IL5: variants seen among roughly 807,000 people sequenced by gnomAD.
IL5 encodes the protein interleukin 5.
IL5 carries 12 observed loss-of-function variants against 16.3 expected under a neutral mutation model. The ratio of observed to expected loss-of-function variants is 0.74; its 90% CI spans 0.47 to 1.20. The LOEUF is 1.20. Ranked by LOEUF, IL5 falls within the 50% of genes most tolerant of loss-of-function variation. IL5 has a pLI of 0.00. For synonymous variants in IL5, 54 were observed against 56.6 expected, an observed-to-expected ratio of 0.95 and a Z score of 0.21; for missense variants, 159 against 153.9, an observed-to-expected ratio of 1.03 and a Z score of -0.17.
At chr5:132,545,990 C>T (rs75592681), upstream of IL5, among the ~76,000 whole-genome samples, 196 of 152,228 alleles carry the variant, frequency 1.3e-3, no homozygotes, top group African/African-American at 4.5e-3. Flanking sequence ...GGCTGAAATC[C>T]TGCTTATTAT....
rs1749701533 is a variant in IL5, at chr5:132,541,997, T to C, written c.306+18A>G. On this transcript the variant is annotated intron_variant, in intron 3 of 3. Transcript: ENST00000231454. ...ACAGCCAGACAAATATAGCTTCCAT[T>C]GAATGTGTGTAACTTACTTTTTGGC... 1.2e-6 allele frequency: 2 copies of C among 1,613,598 alleles called. No individual in the cohort carries two copies. Among genetic ancestry groups the C allele is most frequent in the Admixed American group, 1.7e-5 (1 of 59,958 alleles).
chr5:132,550,955 G>A (rs1292856489), intron 1 of IL5, among the ~76,000 whole-genome samples: 1 of 152,212 alleles, frequency 6.6e-6, no homozygotes, highest in East Asian at 1.9e-4. Flanking sequence ...TGTGGAAGGT[G>A]GGGGGTGATC....
chr5:132,551,854 T>G (rs1317698763), intron 1 of IL5, among the ~76,000 whole-genome samples: 1 of 152,232 alleles, frequency 6.6e-6, no homozygotes, highest in African/African-American at 2.4e-5. Flanking sequence ...AACTAGGCTA[T>G]GATAAAATTG....
upstream of IL5, among the ~76,000 whole-genome samples, chr5:132,547,942 G>A (rs557704272): frequency 6.6e-4 from 101 of 152,098 alleles, 1 homozygote; most frequent in South Asian, 1.5e-3. Flanking sequence ...GGTGGCTGGC[G>A]CCTGTAATCC....
At chr5:132,548,525 G>C (rs1318079047) in intron 1 of IL5, among the ~76,000 whole-genome samples, 1 of 152,194 alleles carries the variant, frequency 6.6e-6, no homozygotes, top group Admixed American at 6.5e-5. Flanking sequence ...TTATACTGTT[G>C]ATAAGAAAAA....
chr5:132,546,576 C>T (rs1213822144), upstream of IL5, among the ~76,000 whole-genome samples: 1 of 152,164 alleles, frequency 6.6e-6, no homozygotes, highest in African/African-American at 2.4e-5. Flanking sequence ...TGCTTCCATC[C>T]TTTGGCTATT....
chr5:132,541,809 T>C lies in IL5; in HGVS notation c.*2A>G, dbSNP rs753929901. ...CTTTGGCTGCAACAAACCAGTTTAG[T>C]CTCAACTTTCTATTATCCACTCGGT... On this transcript the variant is annotated 3_prime_UTR_variant, in exon 4 of 4. Coordinates refer to ENST00000231454, the MANE Select transcript of IL5 (RefSeq NM_000879.3). The C allele has an allele frequency of 1.0e-5, 16 of 1,602,026 alleles. No homozygotes were observed. Among genetic ancestry groups the C allele is most frequent in the African/African-American group, 1.3e-5 (1 of 74,684 alleles).
upstream of IL5, among the ~76,000 whole-genome samples, chr5:132,545,916 TCAAAA>T (rs1749776835): frequency 6.6e-6 from 1 of 151,612 alleles, no homozygotes; most frequent in African/African-American, 2.4e-5. Flanking sequence ...TGAGACTGTC[TCAAAA>T]CAAACAAACA....
At chr5:132,550,424 A>G (rs1749865381) in intron 1 of IL5, among the ~76,000 whole-genome samples, 1 of 151,880 alleles carries the variant, frequency 6.6e-6, no homozygotes, top group Non-Finnish European at 1.5e-5. Flanking sequence ...CCTGGGTTCA[A>G]GCGATTCTCC....
chr5:132,548,397 ATAAC>A (rs1480903043), upstream of IL5, among the ~76,000 whole-genome samples: 1 of 152,242 alleles, frequency 6.6e-6, no homozygotes, highest in Non-Finnish European at 1.5e-5. Flanking sequence ...GATTTGTTAA[ATAAC>A]TAACTGAATG....
upstream of IL5, chr5:132,543,604 T>A: frequency 5.8e-6 from 5 of 856,070 alleles, no homozygotes; most frequent in South Asian, 1.1e-4. Flanking sequence ...AGAGAATGCC[T>A]AATAATGGCA....
In IL5 at chr5:132,543,520, C is replaced by A. The variant is rs779943375; in HGVS notation, c.-42G>T. 1.9e-6 allele frequency: 3 copies of A among 1,607,270 alleles called. No homozygotes were observed. Among genetic ancestry groups the A allele is most frequent in the Admixed American group, 3.4e-5 (2 of 58,906 alleles). On this transcript the variant is annotated 5_prime_UTR_variant, in exon 1 of 4. An upstream start codon of the reference 5' UTR is lost. Transcript: ENST00000231454. ...GCGTTTGCCTTTGGCAAAGAAAGTGCATAGTACAAGACTGCGTCCCCAGTC... is the reference window on the plus strand; with the variant it reads ...GCGTTTGCCTTTGGCAAAGAAAGTGAATAGTACAAGACTGCGTCCCCAGTC...
chr5:132,541,669 C>G lies in IL5; in HGVS notation c.*142G>C. 1 of 540,806 alleles carries G rather than the reference C, an allele frequency of 1.8e-6. No homozygotes were observed. The highest frequency in any genetic ancestry group is 3.3e-6 in the Non-Finnish European group (1 of 306,796). The allele number at this position is 540,806 out of a possible 1,614,324, so 33.5% of individuals were successfully genotyped here. A position where few individuals can be genotyped will look rare whatever the true frequency, so the allele number is the denominator to read the frequency against. ...AATTTTATGCTTTCTGGCAAAGTGT[C>G]AGTATGCCTGAAATATTTACTTTCC... On this transcript the variant is annotated 3_prime_UTR_variant, in exon 4 of 4. Transcript: ENST00000231454.
intron 1 of IL5, among the ~76,000 whole-genome samples, chr5:132,551,786 T>C (rs1749886803): frequency 6.6e-6 from 1 of 152,232 alleles, no homozygotes; most frequent in Admixed American, 6.5e-5. Flanking sequence ...TATTTATAAG[T>C]TTGATGATAT....
rs1214962465 is a variant in IL5, at chr5:132,548,690, T to C, written c.43-5564A>G. ...GTGTGTGCGTCTGTGTGCTCTGCAA[T>C]GGAATGACGCCCTATCCAGGATTGG... On this transcript the variant is annotated intron_variant, in intron 1 of 2. Transcript: ENST00000450655. Among the ~76,000 whole-genome samples the C allele has an allele frequency of 2.0e-5, 3 of 152,200 alleles. No homozygotes were observed. In the East Asian group the frequency reaches 5.8e-4, roughly 29 times the overall value.
upstream of IL5, among the ~76,000 whole-genome samples, chr5:132,544,225 T>C (rs1561621498): frequency 6.6e-6 from 1 of 152,242 alleles, no homozygotes. Context: ...CCTGGATCTA[T>C]ATGTATTCTG....
exon 1 of IL5, chr5:132,556,709 C>A (rs1291952598): frequency 1.6e-6 from 2 of 1,252,342 alleles, no homozygotes; most frequent in Admixed American, 3.1e-5. Flanking sequence ...CCCACCACTA[C>A]CCCCATTCCA....
At chr5:132,552,291 C>CA (rs1368081143) in intron 1 of IL5, among the ~76,000 whole-genome samples, 6 of 151,652 alleles carry the variant, frequency 4.0e-5, no homozygotes, top group East Asian at 3.9e-4. Context: ...ACAACAACAA[C>CA]AACAAAAAAC....
At chr5:132,550,981 C>T (rs1270298110) in intron 1 of IL5, among the ~76,000 whole-genome samples, 1 of 152,298 alleles carries the variant, frequency 6.6e-6, no homozygotes, top group African/African-American at 2.4e-5. Flanking sequence ...GCACATTTTA[C>T]AGTCCTTGTA....
Sources: allele counts gnomAD v4.1 joint callset (sites outside exome capture counted in the v4.1 genomes callset), GRCh38; gene constraint gnomAD v4.1.1; transcripts MANE v1.5; gene names NCBI Gene and HGNC (gene_info 2026-07-23, HGNC 2026-07-21).